The following C12orf56 variants were observed in gnomAD, a reference collection of about 807,000 sequenced individuals.
The protein encoded by C12orf56 is uncharacterized protein C12orf56.
C12orf56 carries 71 observed loss-of-function variants against 69.9 expected under a neutral mutation model. The observed-to-expected ratio is 1.02, with a 90% CI of 0.84 to 1.24. The LOEUF is 1.24. C12orf56 is among the 50% of genes most tolerant of loss of function. The probability of loss-of-function intolerance (pLI) is 0.00; values close to 1 mark genes in which losing one functional copy is unlikely to be tolerated. For missense variants in C12orf56, 732 were observed against 738.5 expected, an observed-to-expected ratio of 0.99 and a Z score of 0.10; for synonymous variants, 276 against 274.1, an observed-to-expected ratio of 1.01 and a Z score of -0.07.
intron 6 of C12orf56, among the ~76,000 whole-genome samples, chr12:64,294,362 T>A (rs557852726): frequency 6.6e-6 from 1 of 152,098 alleles, no homozygotes; most frequent in Non-Finnish European, 1.5e-5. Flanking sequence ...GAAAGCACCG[T>A]CTTAAAGAGA....
chr12:64,318,958 G>T lies in C12orf56; in HGVS notation c.511C>A (p.Pro171Thr), dbSNP rs562865149. The T allele has an allele frequency of 6.6e-7, 1 of 1,512,298 alleles. No homozygotes were observed. Among genetic ancestry groups the T allele is most frequent in the East Asian group, 2.5e-5 (1 of 40,578 alleles). The allele number at this position is 1,512,298 out of a possible 1,614,324, so 93.7% of individuals were successfully genotyped here. A position where few individuals can be genotyped will look rare whatever the true frequency, so the allele number is the denominator to read the frequency against. ...PLRDQQESSTPSKDSTLCPRP... is the reference protein window; with the variant it reads ...PLRDQQESSTTSKDSTLCPRP... Reference sequence around the variant, plus strand: ...GGACAGAGAGTTGAGTCCTTGGATGGTGTACTGCTCTCCTGCTGGTCCCTG... The same window carrying T: ...GGACAGAGAGTTGAGTCCTTGGATGTTGTACTGCTCTCCTGCTGGTCCCTG... The change falls in exon 4 of 13, where the codon CCA becomes ACA. Residue 171 changes from proline to threonine, a missense_variant. By Grantham distance (38) the Pro-to-Thr change is conservative. Transcript: ENST00000543942.
chr12:64,387,098 A>AAAAAAAAAAAAAAAAAAAAAAAAAAC (rs2039804121), intron 1 of C12orf56, among the ~76,000 whole-genome samples: 1 of 146,238 alleles, frequency 6.8e-6, no homozygotes, highest in Non-Finnish European at 1.5e-5. Flanking sequence ...AAAAAAAAAA[A>AAAAAAAAAAAAAAAAAAAAAAAAAAC]AAAAAAAAAA....
At chr12:64,318,498 G>A (rs2136837730) in intron 4 of C12orf56, 77 bp downstream of exon 4, 3 of 1,264,916 alleles carry the variant, frequency 2.4e-6, no homozygotes, top group Middle Eastern at 2.7e-4. Context: ...GGAGGTAAAG[G>A]AGGGAGGAGG....
intron 5 of C12orf56, among the ~76,000 whole-genome samples, chr12:64,304,953 TA>T (rs2038492439): frequency 6.6e-6 from 1 of 152,160 alleles, no homozygotes; most frequent in African/African-American, 2.4e-5. Context: ...TGACTTGAAG[TA>T]AAAACATTTT....
chr12:64,357,984 G>C (rs973054197), intron 1 of C12orf56, among the ~76,000 whole-genome samples: 7 of 152,140 alleles, frequency 4.6e-5, no homozygotes, highest in African/African-American at 1.4e-4. Context: ...TCACTGTAAG[G>C]TGATATGTGA....
chr12:64,294,204 T>C (rs1242794295), intron 6 of C12orf56, among the ~76,000 whole-genome samples: 1 of 151,594 alleles, frequency 6.6e-6, no homozygotes, highest in Non-Finnish European at 1.5e-5. Flanking sequence ...GGCAAGGACA[T>C]AGAGGAATCG....
chr12:64,390,435 T>G lies in C12orf56; in HGVS notation c.131A>C (p.Asn44Thr), dbSNP rs371164866. The G allele has an allele frequency of 6.2e-7, 1 of 1,612,096 alleles. No individual in the cohort carries two copies. The highest frequency in any genetic ancestry group is 8.5e-7 in the Non-Finnish European group (1 of 1,179,730). Reference sequence around the variant, plus strand: ...ATACTTGAGGATGTGGTTCTCAGAGTTGGACACCACGATGCATGGCTCGTA... The same window carrying G: ...ATACTTGAGGATGTGGTTCTCAGAGGTGGACACCACGATGCATGGCTCGTA... ...RAYEPCIVVS[N>T]SENHILKYVV... Residue 44 changes from asparagine (N) to threonine (T), a missense_variant, in exon 1 of 13, where the codon AAC becomes ACC. Physicochemically the swap from Asn to Thr is moderately conservative, Grantham distance 65. Coordinates refer to ENST00000543942, the MANE Select transcript of C12orf56 (RefSeq NM_001170633.2).
At chr12:64,295,064 G>A (rs2038347284) in intron 6 of C12orf56, among the ~76,000 whole-genome samples, 1 of 152,072 alleles carries the variant, frequency 6.6e-6, no homozygotes, top group Admixed American at 6.6e-5. Context: ...TGTATTTTTA[G>A]TAAAGATGGG....
chr12:64,360,315 C>G (rs996367118), intron 1 of C12orf56, among the ~76,000 whole-genome samples: 3 of 151,950 alleles, frequency 2.0e-5, no homozygotes, highest in South Asian at 4.2e-4. Context: ...ATCCCAGCTA[C>G]TCGGGAGGCT....
At chr12:64,327,664 T>C (rs565600653) in intron 3 of C12orf56, among the ~76,000 whole-genome samples, 2 of 152,270 alleles carry the variant, frequency 1.3e-5, no homozygotes, top group African/African-American at 4.8e-5. Context: ...GAAAGGAATT[T>C]AGCTACACAG....
intron 1 of C12orf56, among the ~76,000 whole-genome samples, chr12:64,385,213 A>G (rs2039773575): frequency 6.6e-6 from 1 of 152,206 alleles, no homozygotes. Flanking sequence ...CCTTTCTTTG[A>G]GAAAATGAAC....
chr12:64,382,320 A>AATC (rs1352732228), intron 1 of C12orf56, among the ~76,000 whole-genome samples: 1 of 151,838 alleles, frequency 6.6e-6, no homozygotes, highest in Non-Finnish European at 1.5e-5. Flanking sequence ...CCTAATACAT[A>AATC]ATCAGTACTC....
chr12:64,333,541 G>T (rs140967108), intron 2 of C12orf56, among the ~76,000 whole-genome samples: 2 of 151,040 alleles, frequency 1.3e-5, no homozygotes, highest in Non-Finnish European at 2.9e-5. Context: ...TCACTCTGTC[G>T]CCCAGGCTGG....
intron 10 of C12orf56, 75 bp downstream of exon 10, chr12:64,275,223 A>G (rs1000465278): frequency 1.5e-6 from 1 of 685,036 alleles, no homozygotes; most frequent in South Asian, 2.1e-5. Flanking sequence ...TAATATACAT[A>G]TATCATAATA....
At chr12:64,269,139 C>CA (rs5798737) in intron 12 of C12orf56, among the ~76,000 whole-genome samples, 8,760 of 141,900 alleles carry the variant, frequency 0.062, 881 homozygotes, top group African/African-American at 0.21. Context: ...GACCCTGTGT[C>CA]AAAAAAAAAA....
chr12:64,283,648 T>C (rs1011848432), intron 8 of C12orf56, among the ~76,000 whole-genome samples: 14 of 125,112 alleles, frequency 1.1e-4, no homozygotes, highest in Non-Finnish European at 1.9e-4. Context: ...TTCTCTCTCT[T>C]TTTTTTTTTT....
chr12:64,320,763 G>T (rs187785107), intron 3 of C12orf56, among the ~76,000 whole-genome samples: 6 of 152,268 alleles, frequency 3.9e-5, no homozygotes, highest in African/African-American at 1.2e-4. Context: ...CCTGCATGAG[G>T]CCCCAGCAGA....
intron 2 of C12orf56, among the ~76,000 whole-genome samples, chr12:64,337,874 A>C (rs968677945): frequency 2.0e-5 from 3 of 151,280 alleles, no homozygotes; most frequent in South Asian, 2.1e-4. Context: ...AAAAAAAAAA[A>C]CACCAGGACA....
chr12:64,366,376 T>C (rs1475000969), intron 1 of C12orf56, among the ~76,000 whole-genome samples: 2 of 99,552 alleles, frequency 2.0e-5, no homozygotes. Context: ...ATATATATTA[T>C]ATATAACATA....
Sources: gnomAD v4.1 joint callset for allele counts (sites outside exome capture counted in the v4.1 genomes callset) on GRCh38, gnomAD v4.1.1 for gene constraint, MANE v1.5 for transcripts, NCBI Gene and HGNC (gene_info 2026-07-23, HGNC 2026-07-21) for gene names.